The following EGF variants were observed in gnomAD, a reference collection of about 807,000 sequenced individuals.
EGF encodes epidermal growth factor, also known as pro-epidermal growth factor.
In EGF, 95 loss-of-function variants were observed where a neutral mutation model predicts 143.8. That is an observed-to-expected ratio of 0.66 (90% CI 0.56 to 0.78). The LOEUF is 0.78. EGF is among the 30% of genes least tolerant of loss of function. The pLI, the probability that EGF is intolerant of heterozygous loss-of-function variation, is 0.00. For missense variants in EGF, 1,320 were observed against 1,470.9 expected (o/e 0.90, Z 1.68); for synonymous variants, 510 against 510.5 (o/e 1.00, Z 0.01).
rs1736022724 is a variant in EGF, at chr4:109,913,300, G to T, written c.-36G>T. ...CCGGGCCATGCTCCAGCAAAATCAA[G>T]CTGTTTTCTTTTGAAAGTTCAAACT... On this transcript the variant is annotated 5_prime_UTR_variant, in exon 1 of 24. Transcript: ENST00000265171. 2.5e-6 allele frequency: 4 copies of T among 1,612,080 alleles called. No homozygotes were observed. Among genetic ancestry groups the T allele is most frequent in the Admixed American group, 1.7e-5 (1 of 59,940 alleles).
chr4:109,944,123 A>G lies in EGF; in HGVS notation c.737+54A>G. The G allele has an allele frequency of 2.6e-6, 4 of 1,547,898 alleles. No homozygotes were observed. The Admixed American group carries it at 7.0e-5, about 27-fold the overall frequency. The stretch of plus-strand genomic sequence containing the variant: ...ACAATTGTCATTTGAAGTCCACAAG[A>G]TAAATTAATTTTACTTTTGTCAATG... On this transcript the variant is annotated intron_variant, in intron 4 of 23. Transcript: ENST00000265171.
chr4:109,979,741 G>A (rs148778941), intron 13 of EGF, among the ~76,000 whole-genome samples: 230 of 152,178 alleles, frequency 1.5e-3, no homozygotes, highest in Middle Eastern at 3.4e-3. Context: ...GGTGATAGTG[G>A]GCCTTGCTGG....
At position 109,983,471 on chromosome 4, in the gene EGF, C is replaced by T. The variant is rs774122394; in HGVS notation, c.2421C>T (p.Ser807=). 1.9e-6 allele frequency: 3 copies of T among 1,613,648 alleles called. No homozygotes were observed. Among genetic ancestry groups the T allele is most frequent in the Non-Finnish European group, 2.5e-6 (3 of 1,179,808 alleles). The change falls in exon 16 of 24, where the codon TCC becomes TCT. Residue 807 remains serine (S), a synonymous_variant. Coordinates refer to ENST00000265171, the MANE Select transcript of EGF (RefSeq NM_001963.6). ...KNQVTPLDIL[S]KTRVSEDNIT... Reference sequence around the variant, plus strand: ...AAGTAACACCATTGGACATCTTGTCCAAGACTAGAGTGTCAGAAGATAACA... The same window carrying T: ...AAGTAACACCATTGGACATCTTGTCTAAGACTAGAGTGTCAGAAGATAACA...
At chr4:109,962,873 C>T (rs1478834917) in intron 8 of EGF, among the ~76,000 whole-genome samples, 1 of 151,958 alleles carries the variant, frequency 6.6e-6, no homozygotes. Context: ...TTGAGACCAG[C>T]CTGGCCAACA....
Position 109,961,969 on chromosome 4 carries a change from T to G in EGF, c.1296T>G (p.Asp432Glu). ...CTGAAGGCTCAGTGCTTGAGAGAGA[T>G]GGGAAAACATGTAGCGGTGAGTTTA... Reference protein sequence around the residue: ...FCPEGSVLERDGKTCSGCSSP... With the variant: ...FCPEGSVLEREGKTCSGCSSP... The change falls in exon 8 of 24, where the codon GAT (aspartate) becomes GAG (glutamate). Residue 432 changes from aspartate to glutamate, a missense_variant. Physicochemically the swap from Asp to Glu is conservative, Grantham distance 45. Transcript: ENST00000265171. 6.2e-7 allele frequency: 1 copy of G among 1,613,884 alleles called. No homozygotes were observed. The highest frequency in any genetic ancestry group is 1.3e-5 in the African/African-American group (1 of 75,030).
chr4:109,985,810 G>C (rs922026869), intron 16 of EGF, among the ~76,000 whole-genome samples: 5 of 152,214 alleles, frequency 3.3e-5, no homozygotes, highest in African/African-American at 1.2e-4. Flanking sequence ...CTCTCAGGAA[G>C]GCCTAATATG....
At chr4:109,945,501 C>CT (rs1183234657) in intron 5 of EGF, among the ~76,000 whole-genome samples, 1 of 152,018 alleles carries the variant, frequency 6.6e-6, no homozygotes, top group Non-Finnish European at 1.5e-5. Context: ...TTTTGGAAGG[C>CT]TGAGGTGGGA....
At chr4:109,958,448 G>A (rs143289142) in intron 5 of EGF, among the ~76,000 whole-genome samples, 3 of 152,160 alleles carry the variant, frequency 2.0e-5, no homozygotes, top group Non-Finnish European at 4.4e-5. Flanking sequence ...CACCCAACTC[G>A]CTGAGCAGAT....
rs1480791346 is a variant in EGF, at chr4:109,937,218, G to A, written c.128-3728G>A. Among the ~76,000 whole-genome samples the A allele has an allele frequency of 1.8e-4, 27 of 152,102 alleles. 1 individual carries two copies. The highest frequency in any genetic ancestry group is 4.0e-4 in the Non-Finnish European group (27 of 68,014). On this transcript the variant is annotated intron_variant, in intron 1 of 23. Coordinates refer to ENST00000265171, the MANE Select transcript of EGF (RefSeq NM_001963.6). ...TTGCTTTATGAATCTGGGTGCTCCT[G>A]TATTGGGTGTACATATAATTAGGCT...
At position 109,959,443 on chromosome 4, in the gene EGF, G is replaced by A. The variant is rs1745333978; in HGVS notation, c.1066+6G>A. 1 of 1,613,612 alleles carries A rather than the reference G, an allele frequency of 6.2e-7. No homozygotes were observed. The highest frequency in any genetic ancestry group is 8.5e-7 in the Non-Finnish European group (1 of 1,179,780). ...AGACCGGAAGTACTGTGAAGGTAATGACTGGAAGTACTGTGAAGGTAATGG... is the reference window on the plus strand; with the variant it reads ...AGACCGGAAGTACTGTGAAGGTAATAACTGGAAGTACTGTGAAGGTAATGG... On this transcript the variant is annotated splice_donor_region_variant and intron_variant, in intron 6 of 23. Transcript: ENST00000265171.
chr4:109,948,236 A>C (rs976077934), intron 5 of EGF, among the ~76,000 whole-genome samples: 3 of 152,234 alleles, frequency 2.0e-5, no homozygotes, highest in African/African-American at 7.2e-5. Flanking sequence ...GGCTCCAGTT[A>C]CTGACCAAAG....
At chr4:109,943,537 C>CAAAG in intron 3 of EGF, 102 bp downstream of exon 3, 1 of 1,333,858 alleles carries the variant, frequency 7.5e-7, no homozygotes, top group Non-Finnish European at 1.1e-6. Context: ...TCACTGAGAC[C>CAAAG]AAAGCCCTCT....
intron 23 of EGF, among the ~76,000 whole-genome samples, chr4:110,010,407 A>AT (rs113110962): frequency 0.056 from 7,777 of 138,774 alleles, 687 homozygotes; most frequent in African/African-American, 0.23. Flanking sequence ...GACTATTGTA[A>AT]TTTTTTTAAA....
At chr4:109,913,866 T>C (rs1229711000) in intron 1 of EGF, among the ~76,000 whole-genome samples, 2 of 152,228 alleles carry the variant, frequency 1.3e-5, no homozygotes, top group East Asian at 3.8e-4. Context: ...TCCTTCCTTC[T>C]GATAACTTGT....
chr4:109,936,369 A>G (rs1340174249), intron 1 of EGF, among the ~76,000 whole-genome samples: 1 of 152,028 alleles, frequency 6.6e-6, no homozygotes, highest in East Asian at 1.9e-4. Context: ...GGTAGTTTGT[A>G]TTTCTGTGGG....
chr4:109,928,614 G>A (rs570866739), intron 1 of EGF, among the ~76,000 whole-genome samples: 38 of 152,256 alleles, frequency 2.5e-4, no homozygotes, highest in Non-Finnish European at 5.1e-4. Context: ...TTTTCCCAAC[G>A]AGAGACAGCT....
intron 18 of EGF, among the ~76,000 whole-genome samples, chr4:109,990,099 G>A (rs1211777747): frequency 6.6e-6 from 1 of 152,146 alleles, no homozygotes; most frequent in Non-Finnish European, 1.5e-5. Context: ...CTCTCAAGGT[G>A]ATAGTTTATT....
chr4:109,978,023 A>G (rs1037553955), intron 13 of EGF, among the ~76,000 whole-genome samples: 1 of 152,222 alleles, frequency 6.6e-6, no homozygotes, highest in African/African-American at 2.4e-5. Context: ...GACTAATACA[A>G]CTATTGAAGG....
rs11568855 is a variant in EGF at position 109,913,781 on chromosome 4, T to TG, written c.127+320dup. On this transcript the variant is annotated intron_variant, in intron 1 of 23. Transcript: ENST00000265171. ...GAGGAGTAATTAACACCTGGCTAAT[T>TG]GCTTGGAAATTAGGGAAACAGATGG... is the stretch of plus-strand genomic sequence containing the variant. Among the ~76,000 whole-genome samples the TG allele has an allele frequency of 0.013, 1,987 of 152,284 alleles. 210 individuals are homozygous for TG. In the East Asian group the frequency reaches 0.23, roughly 18 times the overall value.
Sources: allele counts gnomAD v4.1 joint callset (sites outside exome capture counted in the v4.1 genomes callset), GRCh38; gene constraint gnomAD v4.1.1; transcripts MANE v1.5; gene names NCBI Gene and HGNC (gene_info 2026-07-23, HGNC 2026-07-21).